TUSC1: variants seen among roughly 807,000 people sequenced by gnomAD.
The protein encoded by TUSC1 is tumor suppressor candidate gene 1 protein.
In TUSC1, 8 loss-of-function variants were observed where a neutral mutation model predicts 5.2. The ratio of observed to expected loss-of-function variants is 1.54; its 90% CI spans 0.90 to 2.77. The LOEUF (loss-of-function observed/expected upper bound fraction) is 2.77. Ranked by LOEUF, TUSC1 falls within the 30% of genes most tolerant of loss-of-function variation. The probability of loss-of-function intolerance (pLI) is 0.00; values close to 1 mark genes in which losing one functional copy is unlikely to be tolerated. For synonymous variants in TUSC1, 192 were observed against 144.2 expected, an observed-to-expected ratio of 1.33 and a Z score of -2.37; for missense variants, 442 against 324.2, an observed-to-expected ratio of 1.36 and a Z score of -2.79.
In TUSC1 at chr9:25,677,924, G is replaced by A. The variant is rs566749582; in HGVS notation, c.389C>T (p.Pro130Leu). 10 of 1,564,984 alleles carry A rather than the reference G, an allele frequency of 6.4e-6. No individual in the cohort carries two copies. The African/African-American group carries it at 1.3e-4, about 21-fold the overall frequency. ...CCTCCGGTTCGTGCTGGCCTCTTCA[G>A]GGACCCGGCGTGCCTCCGCGGGCGT... ...NGTPAEARRVPEEASTNRRAR... is the reference protein window; with the variant it reads ...NGTPAEARRVLEEASTNRRAR... Residue 130 changes from proline (P) to leucine (L), a missense_variant, in exon 1 of 1, where the codon CCT becomes CTT. Transcript: ENST00000358022.
In TUSC1 at chr9:25,678,022, G is replaced by A. The variant is rs748073244; in HGVS notation, c.291C>T (p.Asn97=). 3 of 1,565,060 alleles carry A rather than the reference G, an allele frequency of 1.9e-6. No individual in the cohort carries two copies. The highest frequency in any genetic ancestry group is 2.6e-6 in the Non-Finnish European group (3 of 1,162,066). Reference sequence around the variant, plus strand: ...TGCGGTTCTCGCGCTTCAGCCGCCGGTTCTCGAGCCGCAGCCGGGCGTTCT... The same window carrying A: ...TGCGGTTCTCGCGCTTCAGCCGCCGATTCTCGAGCCGCAGCCGGGCGTTCT... ...RQENARLRLE[N]RRLKRENRSL... is the part of the protein sequence containing the mutation. The change falls in exon 1 of 1, where the codon AAC becomes AAT. Residue 97 remains asparagine (N), a synonymous_variant. Coordinates refer to ENST00000358022, the MANE Select transcript of TUSC1 (RefSeq NM_001004125.3).
At position 25,677,923 on chromosome 9, in the gene TUSC1, A is replaced by T; in HGVS notation, c.390T>A (p.Pro130=). The stretch of plus-strand genomic sequence containing the variant: ...CCCTCCGGTTCGTGCTGGCCTCTTC[A>T]GGGACCCGGCGTGCCTCCGCGGGCG... ...NGTPAEARRV[P]EEASTNRRAR... is the part of the protein sequence containing the mutation. The change falls in exon 1 of 1, where the codon CCT becomes CCA. Residue 130 remains proline (P), a synonymous_variant. Transcript: ENST00000358022. 2 of 1,567,656 alleles carry T rather than the reference A, an allele frequency of 1.3e-6. No homozygotes were observed. The highest frequency in any genetic ancestry group is 2.7e-5 in the African/African-American group (2 of 74,124).
In TUSC1 at chr9:25,678,404, T is replaced by G. The variant is rs560238100; in HGVS notation, c.-92A>C. 2 of 1,187,480 alleles carry G rather than the reference T, an allele frequency of 1.7e-6. No individual in the cohort carries two copies. Among genetic ancestry groups the G allele is most frequent in the Non-Finnish European group, 1.1e-6 (1 of 932,722 alleles). The allele number at this position is 1,187,480 out of a possible 1,614,324, so 73.6% of individuals were successfully genotyped here. On this transcript the variant is annotated 5_prime_UTR_variant, in exon 1 of 1. Transcript: ENST00000358022. ...TTCGGGGCTGGCAGGGCGGCCGGGG[T>G]GACGACGGAGGAGGAGAGGAGGTCG...
At position 25,678,193 on chromosome 9, in the gene TUSC1, G is replaced by GCCGCTGGGGCTGCCCCCACCA; in HGVS notation, c.99_119dup (p.Ser37_Gly43dup). The stretch of plus-strand genomic sequence containing the variant: ...CTCGCCAGCCCACGCCGCCGCCGCC[G>GCCGCTGGGGCTGCCCCCACCA]CCGCTGGGGCTGCCCCCACCACGAG... On this transcript the variant is annotated inframe_insertion, in exon 1 of 1. Coordinates refer to ENST00000358022, the MANE Select transcript of TUSC1 (RefSeq NM_001004125.3). The GCCGCTGGGGCTGCCCCCACCA allele has an allele frequency of 1.5e-6, 2 of 1,373,356 alleles. No individual in the cohort carries two copies. The highest frequency in any genetic ancestry group is 1.9e-6 in the Non-Finnish European group (2 of 1,071,772). 85.1% of individuals were successfully genotyped at this position (1,373,356 alleles called of 1,614,324 possible).
In TUSC1 at chr9:25,677,776, T is replaced by A; in HGVS notation, c.537A>T (p.Pro179=). ...GCTCCTCCTTGTCCCCGCTCGGACG[T>A]GGTCCCCGCTGCTCGAGGTGCAGCT... The part of the protein sequence containing the change: ...LLQLHLEQRG[P]RPSGDKEEQP... The change falls in exon 1 of 1, where the codon CCA becomes CCT. Residue 179 remains proline, a synonymous_variant. Transcript: ENST00000358022. 1 of 1,584,354 alleles carries A rather than the reference T, an allele frequency of 6.3e-7. No individual in the cohort carries two copies. Among genetic ancestry groups the A allele is most frequent in the Non-Finnish European group, 8.6e-7 (1 of 1,166,076 alleles).
In TUSC1 at chr9:25,678,017, C is replaced by G. The variant is rs1204555461; in HGVS notation, c.296G>C (p.Arg99Pro). The G allele has an allele frequency of 1.3e-6, 2 of 1,561,696 alleles. No individual in the cohort carries two copies. The highest frequency in any genetic ancestry group is 1.7e-6 in the Non-Finnish European group (2 of 1,160,224). ...ENARLRLENR[R>P]LKRENRSLFR... ...GAGGCTGCGGTTCTCGCGCTTCAGCCGCCGGTTCTCGAGCCGCAGCCGGGC... is the reference window on the plus strand; with the variant it reads ...GAGGCTGCGGTTCTCGCGCTTCAGCGGCCGGTTCTCGAGCCGCAGCCGGGC... The change falls in exon 1 of 1, where the codon CGG (arginine) becomes CCG (proline). Residue 99 changes from arginine (R) to proline (P), a missense_variant. By Grantham distance (103) the Arg-to-Pro change is moderately radical (BLOSUM62 -2). Coordinates refer to ENST00000358022, the MANE Select transcript of TUSC1 (RefSeq NM_001004125.3).
Position 25,677,593 on chromosome 9 carries a change from G to T in TUSC1, c.*90C>A. 1 of 1,435,950 alleles carries T rather than the reference G, an allele frequency of 7.0e-7. No individual in the cohort carries two copies. The highest frequency in any genetic ancestry group is 9.1e-7 in the Non-Finnish European group (1 of 1,099,844). The allele number at this position is 1,435,950 out of a possible 1,614,324, so 89.0% of individuals were successfully genotyped here. On this transcript the variant is annotated 3_prime_UTR_variant, in exon 1 of 1. Coordinates refer to ENST00000358022, the MANE Select transcript of TUSC1 (RefSeq NM_001004125.3). ...TCCAAGGTATCCGCGGGCAGGGAGC[G>T]GGCCAGGGCGTGCGCGAGGTCGGGG...
chr9:25,678,341 C>T lies in TUSC1; in HGVS notation c.-29G>A. 3.6e-6 allele frequency: 5 copies of T among 1,386,516 alleles called. No homozygotes were observed. The highest frequency in any genetic ancestry group is 4.7e-6 in the Non-Finnish European group (5 of 1,070,040). The allele number at this position is 1,386,516 out of a possible 1,614,324, so 85.9% of individuals were successfully genotyped here. A position where few individuals can be genotyped will look rare whatever the true frequency, so the allele number is the denominator to read the frequency against. ...TCCCATCCCAACCGCGCCGCCAGCC[C>T]CGTGGGCTGAGGGGCCGCGCGGCCA... On this transcript the variant is annotated 5_prime_UTR_variant, in exon 1 of 1. Transcript: ENST00000358022.
rs760572850 is a variant in TUSC1 at position 25,678,033 on chromosome 9, G to T, written c.280C>A (p.Arg94=). 3.2e-6 allele frequency: 5 copies of T among 1,573,624 alleles called. No individual in the cohort carries two copies. In the South Asian group the frequency reaches 3.5e-5, roughly 11 times the overall value. ...CGCTTCAGCCGCCGGTTCTCGAGCC[G>T]CAGCCGGGCGTTCTCCTGACGCAGC... is the stretch of plus-strand genomic sequence containing the variant. ...ARLRQENARL[R]LENRRLKREN... is the part of the protein sequence containing the mutation. Residue 94 remains arginine, a synonymous_variant, in exon 1 of 1, where the codon CGG becomes AGG. Coordinates refer to ENST00000358022, the MANE Select transcript of TUSC1 (RefSeq NM_001004125.3).
Position 25,678,425 on chromosome 9 carries a change from G to A in TUSC1, c.-113C>T. On this transcript the variant is annotated 5_prime_UTR_variant, in exon 1 of 1. Transcript: ENST00000358022. ...GGGGTGACGACGGAGGAGGAGAGGA[G>A]GTCGCGGGCGGCGGCTGCTGGCTTA... 3.8e-6 allele frequency: 4 copies of A among 1,049,920 alleles called. No individual in the cohort carries two copies. The highest frequency in any genetic ancestry group is 3.7e-6 in the Non-Finnish European group (3 of 814,442). The allele number at this position is 1,049,920 out of a possible 1,614,324, so 65.0% of individuals were successfully genotyped here.
At position 25,678,328 on chromosome 9, in the gene TUSC1, C is replaced by T. The variant is rs1244366048; in HGVS notation, c.-16G>A. 1.4e-6 allele frequency: 2 copies of T among 1,428,462 alleles called. No homozygotes were observed. Among genetic ancestry groups the T allele is most frequent in the Non-Finnish European group, 9.2e-7 (1 of 1,090,954 alleles). 88.5% of individuals were successfully genotyped at this position (1,428,462 alleles called of 1,614,324 possible). ...TGCGCCACATCGGTCCCATCCCAAC[C>T]GCGCCGCCAGCCCCGTGGGCTGAGG... is the stretch of plus-strand genomic sequence containing the variant. On this transcript the variant is annotated 5_prime_UTR_variant, in exon 1 of 1. Transcript: ENST00000358022.
chr9:25,677,512 G>T lies in TUSC1; in HGVS notation c.*171C>A, dbSNP rs1257722773. ...TGCACCCACTCGACCTCCACCAAGC[G>T]GATGGCCAAGCGCCACCCGGAAGTG... On this transcript the variant is annotated 3_prime_UTR_variant, in exon 1 of 1. Coordinates refer to ENST00000358022, the MANE Select transcript of TUSC1 (RefSeq NM_001004125.3). 6 of 1,311,148 alleles carry T rather than the reference G, an allele frequency of 4.6e-6. No homozygotes were observed. In the South Asian group the frequency reaches 9.5e-5, roughly 21 times the overall value. 81.2% of individuals were successfully genotyped at this position (1,311,148 alleles called of 1,614,324 possible). A position where few individuals can be genotyped will look rare whatever the true frequency, so the allele number is the denominator to read the frequency against.
chr9:25,677,874 C>A lies in TUSC1; in HGVS notation c.439G>T (p.Glu147Ter). Reference sequence around the variant, plus strand: ...CTCAGGGCCCTGGGGCTGCCCGGCTCGTCCTCTCGGCCGCTGTCTCTAGCC... The same window carrying A: ...CTCAGGGCCCTGGGGCTGCCCGGCTAGTCCTCTCGGCCGCTGTCTCTAGCC... ...RRARDSGREDEPGSPRALRAR... is the reference protein window; with the variant it reads ...RRARDSGRED The change falls in exon 1 of 1, where the codon GAG (glutamate) becomes TAG (stop). Residue 147 changes from glutamate to a stop codon, truncating the protein, a stop_gained. Transcript: ENST00000358022. LOFTEE classifies it low-confidence loss of function (END_TRUNC). The A allele has an allele frequency of 1.3e-6, 2 of 1,592,606 alleles. No individual in the cohort carries two copies. The highest frequency in any genetic ancestry group is 1.1e-5 in the South Asian group (1 of 88,562).
rs1054332136 is a variant in TUSC1 at position 25,678,348 on chromosome 9, C to A, written c.-36G>T. 4 of 1,366,144 alleles carry A rather than the reference C, an allele frequency of 2.9e-6. No individual in the cohort carries two copies. The highest frequency in any genetic ancestry group is 3.8e-6 in the Non-Finnish European group (4 of 1,058,270). 84.6% of individuals were successfully genotyped at this position (1,366,144 alleles called of 1,614,324 possible). On this transcript the variant is annotated 5_prime_UTR_variant, in exon 1 of 1. Transcript: ENST00000358022. ...CCAACCGCGCCGCCAGCCCCGTGGG[C>A]TGAGGGGCCGCGCGGCCAGGCGCGG...
At position 25,678,093 on chromosome 9, in the gene TUSC1, G is replaced by C. The variant is rs1587012589; in HGVS notation, c.220C>G (p.Arg74Gly). The C allele has an allele frequency of 6.3e-7, 1 of 1,587,420 alleles. No homozygotes were observed. The highest frequency in any genetic ancestry group is 1.1e-5 in the South Asian group (1 of 88,118). The change falls in exon 1 of 1, where the codon CGT becomes GGT. Residue 74 changes from arginine to glycine, a missense_variant. By Grantham distance (125) the Arg-to-Gly change is moderately radical. Transcript: ENST00000358022. The part of the protein sequence containing the change: ...DLAASHLEAI[R>G]ARDEWDRQNA... Reference sequence around the variant, plus strand: ...TGCCGGTCCCACTCGTCCCGCGCACGGATGGCCTCCAAGTGGCTCGCCGCC... The same window carrying C: ...TGCCGGTCCCACTCGTCCCGCGCACCGATGGCCTCCAAGTGGCTCGCCGCC...
chr9:25,678,119 A>C lies in TUSC1; in HGVS notation c.194T>G (p.Leu65Arg), dbSNP rs2118089887. 1 of 1,558,332 alleles carries C rather than the reference A, an allele frequency of 6.4e-7. No homozygotes were observed. The highest frequency in any genetic ancestry group is 8.6e-7 in the Non-Finnish European group (1 of 1,160,998). Residue 65 changes from leucine to arginine, a missense_variant, in exon 1 of 1, where the codon CTG becomes CGG. Physicochemically the swap from Leu to Arg is moderately radical, Grantham distance 102. Coordinates refer to ENST00000358022, the MANE Select transcript of TUSC1 (RefSeq NM_001004125.3). The part of the protein sequence containing the change: ...RQQLEERFAD[L>R]AASHLEAIRA... ...GATGGCCTCCAAGTGGCTCGCCGCC[A>C]GGTCGGCAAACCGCTCCTCCAGCTG...
chr9:25,677,070 T>C lies in TUSC1; in HGVS notation c.*613A>G, dbSNP rs1819052877. 1.3e-5 allele frequency: 2 copies of C among 152,276 alleles called. No homozygotes were observed. Among genetic ancestry groups the C allele is most frequent in the African/African-American group, 4.8e-5 (2 of 41,454 alleles). The allele number at this position is 152,276 out of a possible 1,614,324, so 9.4% of individuals were successfully genotyped here. ...GGCAAACAAATCAGTATATATTAGA[T>C]GTACAGGGACTGCAGCCAAGACAGG... On this transcript the variant is annotated 3_prime_UTR_variant, in exon 1 of 1. Transcript: ENST00000358022.
At position 25,677,421 on chromosome 9, in the gene TUSC1, T is replaced by C. The variant is rs1819060057; in HGVS notation, c.*262A>G. ...GTCCCTTCGTTGTTGGCTAGGCCTCTCTCCAGGGAAACTAGCCGGGGCAAG... is the reference window on the plus strand; with the variant it reads ...GTCCCTTCGTTGTTGGCTAGGCCTCCCTCCAGGGAAACTAGCCGGGGCAAG... On this transcript the variant is annotated 3_prime_UTR_variant, in exon 1 of 1. Transcript: ENST00000358022. 3.9e-6 allele frequency: 2 copies of C among 514,664 alleles called. No homozygotes were observed. The highest frequency in any genetic ancestry group is 6.4e-6 in the Non-Finnish European group (2 of 310,142). 31.9% of individuals were successfully genotyped at this position (514,664 alleles called of 1,614,324 possible). A position where few individuals can be genotyped will look rare whatever the true frequency, so the allele number is the denominator to read the frequency against.
chr9:25,678,110 C>T lies in TUSC1; in HGVS notation c.203G>A (p.Ser68Asn). 1 of 1,568,118 alleles carries T rather than the reference C, an allele frequency of 6.4e-7. No individual in the cohort carries two copies. The highest frequency in any genetic ancestry group is 1.4e-5 in the African/African-American group (1 of 72,394). Reference sequence around the variant, plus strand: ...CCGCGCACGGATGGCCTCCAAGTGGCTCGCCGCCAGGTCGGCAAACCGCTC... The same window carrying T: ...CCGCGCACGGATGGCCTCCAAGTGGTTCGCCGCCAGGTCGGCAAACCGCTC... Reference protein sequence around the residue: ...LEERFADLAASHLEAIRARDE... With the variant: ...LEERFADLAANHLEAIRARDE... The change falls in exon 1 of 1, where the codon AGC becomes AAC. Residue 68 changes from serine (S) to asparagine (N), a missense_variant. Coordinates refer to ENST00000358022, the MANE Select transcript of TUSC1 (RefSeq NM_001004125.3).
Sources: gnomAD v4.1 joint callset for allele counts on GRCh38, gnomAD v4.1.1 for gene constraint, MANE v1.5 for transcripts, NCBI Gene and HGNC (gene_info 2026-07-23, HGNC 2026-07-21) for gene names.